KRT4: variants seen among roughly 807,000 people sequenced by gnomAD.
KRT4 encodes the protein keratin 4.
In KRT4, 47 loss-of-function variants were observed where a neutral mutation model predicts 50.6. The observed-to-expected ratio is 0.93, with a 90% CI of 0.73 to 1.18. The LOEUF (loss-of-function observed/expected upper bound fraction) is 1.18. KRT4 is among the 50% of genes most tolerant of loss of function. The pLI is 0.00. For missense variants in KRT4, 651 were observed against 645.7 expected, an observed-to-expected ratio of 1.01 and a Z score of -0.09; for synonymous variants, 254 against 251.2, an observed-to-expected ratio of 1.01 and a Z score of -0.10.
intron 6 of KRT4, among the ~76,000 whole-genome samples, 191 bp downstream of exon 6, chr12:52,808,103 C>T (rs1375064538): frequency 6.6e-6 from 1 of 152,186 alleles, no homozygotes; most frequent in Non-Finnish European, 1.5e-5. Flanking sequence ...GAAACCTATG[C>T]ACAGGAGCGT....
rs752880188 is a variant in KRT4 at position 52,813,906 on chromosome 12, G to A, written c.153C>T (p.Ser51=). The A allele has an allele frequency of 2.1e-5, 27 of 1,258,390 alleles. No individual in the cohort carries two copies. In the South Asian group the frequency reaches 3.9e-4, roughly 18 times the overall value. The allele number at this position is 1,258,390 out of a possible 1,614,324, so 78.0% of individuals were successfully genotyped here. The change falls in exon 1 of 9, where the codon AGC becomes AGT. Residue 51 remains serine (S), a synonymous_variant. Transcript: ENST00000551956. ...RCSSGGFGSR[S]LYNLRGNKSI... ...TTTTGTTCCCCCTGAGGTTGTAGAG[G>A]CTTCTGCTGCCAAATCCCCCAGAAG...
Position 52,807,169 on chromosome 12 carries a change from AAGCCACTACTCAGGCCAAACCCGG to A in KRT4, c.1439_1462del (p.Ser480_Gly487del), listed in dbSNP as rs1224839160. On this transcript the variant is annotated inframe_deletion, in exon 9 of 9. Transcript: ENST00000551956. ...AAAGCCACTTCCAGAGCCGGAGCCAAAGCCACTACTCAGGCCAAACCCGGAGCCACTTCCTAATCCTCCGCTGAT... is the reference window on the plus strand; with the variant it reads ...AAAGCCACTTCCAGAGCCGGAGCCAAAGCCACTTCCTAATCCTCCGCTGAT... 4.3e-6 allele frequency: 7 copies of A among 1,614,138 alleles called. No individual in the cohort carries two copies. Among genetic ancestry groups the A allele is most frequent in the Admixed American group, 1.7e-5 (1 of 60,020 alleles).
chr12:52,810,816 C>T lies in KRT4; in HGVS notation c.678G>A (p.Lys226=), dbSNP rs1939896958. The change falls in exon 3 of 9, where the codon AAG becomes AAA. Residue 226 remains lysine (K), a splice_region_variant and synonymous_variant. Transcript: ENST00000551956. ...MQDSVEDFKT[K]YEEEINKRTA... ...TGCGTTTGTTGATCTCCTCTTCATA[C>T]CTGGGGGTGGGCACGGGGAGAAAAA... 2 of 1,613,714 alleles carry T rather than the reference C, an allele frequency of 1.2e-6. No homozygotes were observed. The highest frequency in any genetic ancestry group is 2.7e-5 in the African/African-American group (2 of 74,934).
At position 52,813,753 on chromosome 12, in the gene KRT4, G is replaced by A. The variant is rs373594963; in HGVS notation, c.306C>T (p.Pro102=). 1.3e-4 allele frequency: 135 copies of A among 1,010,816 alleles called. No homozygotes were observed. In the Middle Eastern group the frequency reaches 1.5e-3, roughly 11 times the overall value. 62.6% of individuals were successfully genotyped at this position (1,010,816 alleles called of 1,614,324 possible). A position where few individuals can be genotyped will look rare whatever the true frequency, so the allele number is the denominator to read the frequency against. The change falls in exon 1 of 9, where the codon CCC becomes CCT. Residue 102 remains proline (P), a synonymous_variant. Coordinates refer to ENST00000551956, the MANE Select transcript of KRT4 (RefSeq NM_002272.4). ...SFSGKGGPGF[P]VCPAGGIQEV... is the part of the protein sequence containing the mutation. ...CCTGAATTCCCCCAGCGGGGCAGAC[G>A]GGGAAGCCAGGGCCACCCTTACCAC... is the stretch of plus-strand genomic sequence containing the variant.
chr12:52,807,023 T>C lies in KRT4; in HGVS notation c.*46A>G. 6.3e-7 allele frequency: 1 copy of C among 1,590,376 alleles called. No homozygotes were observed. Among genetic ancestry groups the C allele is most frequent in the Non-Finnish European group, 8.6e-7 (1 of 1,158,684 alleles). ...AGTGAAGGAAGCACAGAGACACCAG[T>C]GCTGGGCCCAGCTGGACACAGTGAG... On this transcript the variant is annotated 3_prime_UTR_variant, in exon 9 of 9. Coordinates refer to ENST00000551956, the MANE Select transcript of KRT4 (RefSeq NM_002272.4).
Position 52,807,060 on chromosome 12 carries a change from T to G in KRT4, c.*9A>C. 1 of 1,613,998 alleles carries G rather than the reference T, an allele frequency of 6.2e-7. No individual in the cohort carries two copies. Among genetic ancestry groups the G allele is most frequent in the Non-Finnish European group, 8.5e-7 (1 of 1,179,912 alleles). ...CTGGACACAGTGAGCTGCAGGGACC[T>G]CGTCTCCTCTATCGTCTCTTGTTCA... On this transcript the variant is annotated 3_prime_UTR_variant, in exon 9 of 9. Coordinates refer to ENST00000551956, the MANE Select transcript of KRT4 (RefSeq NM_002272.4).
Position 52,813,690 on chromosome 12 carries a change from G to T in KRT4, c.369C>A (p.His123Gln). 1 of 1,560,486 alleles carries T rather than the reference G, an allele frequency of 6.4e-7. No individual in the cohort carries two copies. The highest frequency in any genetic ancestry group is 2.4e-5 in the East Asian group (1 of 41,694). ...TINQSLLTPLHVEIDPEIQKV... is the reference protein window; with the variant it reads ...TINQSLLTPLQVEIDPEIQKV... ...TCTGGATCTCAGGGTCAATCTCCACGTGGAGGGGGGTGAGCAAGCTCTGGT... is the reference window on the plus strand; with the variant it reads ...TCTGGATCTCAGGGTCAATCTCCACTTGGAGGGGGGTGAGCAAGCTCTGGT... Residue 123 changes from histidine to glutamine, a missense_variant, in exon 1 of 9, where the codon CAC (histidine) becomes CAA (glutamine). Coordinates refer to ENST00000551956, the MANE Select transcript of KRT4 (RefSeq NM_002272.4).
At chr12:52,812,935 C>T (rs1939937540) in intron 1 of KRT4, among the ~76,000 whole-genome samples, 1 of 152,314 alleles carries the variant, frequency 6.6e-6, no homozygotes, top group East Asian at 1.9e-4. Context: ...TTGGATGACT[C>T]GGCTCTCTGG....
rs760809197 is a variant in KRT4, at chr12:52,811,936, T to A, written c.504A>T (p.Lys168Asn). ...TCGTCTGCTGCTGGAGCAGGTTCCA[T>A]TTGGTCTCCAGGACCTTATTCTGTT... ...LEQQNKVLET[K>N]WNLLQQQTTT... Residue 168 changes from lysine to asparagine, a missense_variant, in exon 2 of 9, where the codon AAA becomes AAT. Transcript: ENST00000551956. The A allele has an allele frequency of 6.2e-7, 1 of 1,613,972 alleles. No individual in the cohort carries two copies. Among genetic ancestry groups the A allele is most frequent in the Non-Finnish European group, 8.5e-7 (1 of 1,180,012 alleles).
At chr12:52,809,046 C>A in intron 4 of KRT4, 196 bp from the exon 5 acceptor site, 2 of 685,686 alleles carry the variant, frequency 2.9e-6, no homozygotes, top group South Asian at 1.6e-5. Context: ...TCCCCAGGAA[C>A]CATAAGCCAC....
chr12:52,808,584 A>G, intron 5 of KRT4, 102 bp downstream of exon 5: 8 of 1,504,216 alleles, frequency 5.3e-6, no homozygotes, highest in Non-Finnish European at 7.4e-6. Flanking sequence ...GTCTGTTCAT[A>G]TCTGACTTCT....
At chr12:52,807,321 G>C (rs1188913674) in intron 8 of KRT4, 38 bp downstream of exon 8, 9 of 1,614,160 alleles carry the variant, frequency 5.6e-6, no homozygotes, top group Non-Finnish European at 6.8e-6. Context: ...CAAGACCCGG[G>C]TGAATGAACA....
intron 6 of KRT4, 79 bp downstream of exon 6, chr12:52,808,215 T>C: frequency 1.9e-6 from 3 of 1,565,396 alleles, no homozygotes; most frequent in Non-Finnish European, 2.6e-6. Context: ...GGCCTGATGC[T>C]TTATCTGCTT....
intron 3 of KRT4, among the ~76,000 whole-genome samples, chr12:52,810,179 C>T (rs1419787579): frequency 6.6e-6 from 1 of 152,204 alleles, no homozygotes; most frequent in Non-Finnish European, 1.5e-5. Flanking sequence ...GCAATGGATA[C>T]TCTAAAAGCC....
In KRT4 at chr12:52,813,648, C is replaced by A. The variant is rs746004393; in HGVS notation, c.411G>T (p.Glu137Asp). 1.2e-6 allele frequency: 2 copies of A among 1,614,176 alleles called. No homozygotes were observed. Among genetic ancestry groups the A allele is most frequent in the Non-Finnish European group, 1.7e-6 (2 of 1,180,024 alleles). ...TGTTGAGGAGCTTGATCTGTTCGCG[C>A]TCTTCCGTCCGGACTTTCTGGATCT... ...DPEIQKVRTE[E>D]REQIKLLNNK... Residue 137 changes from glutamate to aspartate, a missense_variant, in exon 1 of 9, where the codon GAG becomes GAT. Physicochemically the swap from Glu to Asp is conservative, Grantham distance 45. Coordinates refer to ENST00000551956, the MANE Select transcript of KRT4 (RefSeq NM_002272.4).
chr12:52,812,697 G>C (rs1459393172), intron 1 of KRT4, among the ~76,000 whole-genome samples: 1 of 152,216 alleles, frequency 6.6e-6, no homozygotes, highest in Non-Finnish European at 1.5e-5. Context: ...ATGCATCAAA[G>C]AGCCCTGAGT....
chr12:52,809,674 T>C (rs1305232599), intron 3 of KRT4, among the ~76,000 whole-genome samples, 196 bp from the exon 4 acceptor site: 2 of 152,224 alleles, frequency 1.3e-5, no homozygotes, highest in East Asian at 1.9e-4. Flanking sequence ...ATTATCCAAA[T>C]AGGCTATTCT....
At chr12:52,811,588 G>T in intron 2 of KRT4, 175 bp downstream of exon 2, 1 of 626,534 alleles carries the variant, frequency 1.6e-6, no homozygotes, top group Non-Finnish European at 2.8e-6. Flanking sequence ...AAAATCTGTG[G>T]TTACCAGACC....
Position 52,811,825 on chromosome 12 carries a change from G to C in KRT4, c.615C>G (p.Asp205Glu), listed in dbSNP as rs775986263. The C allele has an allele frequency of 9.3e-6, 15 of 1,613,934 alleles. No individual in the cohort carries two copies. The highest frequency in any genetic ancestry group is 1.2e-5 in the Non-Finnish European group (14 of 1,180,036). ...LRKQLDTLGN[D>E]KGRLQSELKT... ...TCAGCTCAGACTGCAGGCGCCCTTT[G>C]TCATTGCCCAAGGTATCTAGCTGCT... Residue 205 changes from aspartate to glutamate, a missense_variant, in exon 2 of 9, where the codon GAC becomes GAG. Physicochemically the swap from Asp to Glu is conservative, Grantham distance 45. Coordinates refer to ENST00000551956, the MANE Select transcript of KRT4 (RefSeq NM_002272.4).
Sources: allele counts gnomAD v4.1 joint callset (sites outside exome capture counted in the v4.1 genomes callset), GRCh38; gene constraint gnomAD v4.1.1; transcripts MANE v1.5; gene names NCBI Gene and HGNC (gene_info 2026-07-23, HGNC 2026-07-21).